Variants in A1CF observed in about 807,000 individuals in gnomAD.
A1CF encodes the protein APOBEC-1 stimulating protein.
A neutral mutation model predicts 68.9 loss-of-function variants in A1CF; 48 were observed. The observed-to-expected ratio is 0.70, with a 90% CI of 0.55 to 0.89. The LOEUF (loss-of-function observed/expected upper bound fraction) is 0.89, where lower values mean the gene tolerates loss of function less well. Among genes scored for constraint, A1CF ranks in the 40% least tolerant of loss-of-function variants. The probability of loss-of-function intolerance (pLI) is 0.00; values close to 1 mark genes in which losing one functional copy is unlikely to be tolerated. For synonymous variants in A1CF, 272 were observed against 260.4 expected, an observed-to-expected ratio of 1.04 and a Z score of -0.43; for missense variants, 653 against 718.9, an observed-to-expected ratio of 0.91 and a Z score of 1.05.
rs2132286078 is a variant in A1CF at position 50,802,657 on chromosome 10, T to G, written c.*4072A>C. 1 of 146,310 alleles carries G rather than the reference T, an allele frequency of 6.8e-6. No individual in the cohort carries two copies. The highest frequency in any genetic ancestry group is 2.0e-4 in the East Asian group (1 of 4,930). The allele number at this position is 146,310 out of a possible 1,614,324, so 9.1% of individuals were successfully genotyped here. A position where few individuals can be genotyped will look rare whatever the true frequency, so the allele number is the denominator to read the frequency against. ...ATTGAGCACATAGTTCATTTTTTGT[T>G]GTAAGTTACTTTTAGGAAATCTTAG... On this transcript the variant is annotated 3_prime_UTR_variant, in exon 13 of 13. Coordinates refer to ENST00000373997, the MANE Select transcript of A1CF (RefSeq NM_014576.4).
At chr10:50,847,132 A>G (rs949323421) in intron 3 of A1CF, among the ~76,000 whole-genome samples, 1 of 152,222 alleles carries the variant, frequency 6.6e-6, no homozygotes, top group African/African-American at 2.4e-5. Context: ...GTCTTCCTCA[A>G]GGGAAGCATT....
At chr10:50,861,752 CTAT>C (rs1840756929) in intron 2 of A1CF, among the ~76,000 whole-genome samples, 1 of 147,232 alleles carries the variant, frequency 6.8e-6, no homozygotes. Flanking sequence ...ACTATTACTA[CTAT>C]TATGATTATA....
In A1CF at chr10:50,876,405, C is replaced by G. The variant is rs374382520; in HGVS notation, c.-94+9176G>C. Reference sequence around the variant, plus strand: ...CAGGAATACTCATAAGTGCTCTGTCCTTGTCAACACTGAAGATTGAGAGAT... The same window carrying G: ...CAGGAATACTCATAAGTGCTCTGTCGTTGTCAACACTGAAGATTGAGAGAT... On this transcript the variant is annotated intron_variant, in intron 1 of 12. Transcript: ENST00000373997. Among the ~76,000 whole-genome samples, 57 of 152,294 alleles carry G rather than the reference C, an allele frequency of 3.7e-4. 3 individuals are homozygous for G. In the South Asian group the frequency reaches 0.011, roughly 29 times the overall value.
At position 50,836,203 on chromosome 10, in the gene A1CF, C is replaced by T. The variant is rs767553962; in HGVS notation, c.475G>A (p.Val159Ile). 1 of 1,614,000 alleles carries T rather than the reference C, an allele frequency of 6.2e-7. No individual in the cohort carries two copies. The highest frequency in any genetic ancestry group is 8.5e-7 in the Non-Finnish European group (1 of 1,179,902). ...REEILSEMKK[V>I]TEGVVDVIVY... ...ATGACATCGACAACACCTTCAGTAA[C>T]CTTTTTCATCTCCGATAAGATTTCT... Residue 159 changes from valine (V) to isoleucine (I), a missense_variant, in exon 6 of 13, where the codon GTT (valine) becomes ATT (isoleucine). Transcript: ENST00000373997.
At chr10:50,882,824 G>A (rs573983508) in intron 1 of A1CF, among the ~76,000 whole-genome samples, 1 of 152,258 alleles carries the variant, frequency 6.6e-6, no homozygotes, top group African/African-American at 2.4e-5. Context: ...AGTACCCACA[G>A]TACTACTCAG....
intron 8 of A1CF, among the ~76,000 whole-genome samples, chr10:50,818,055 C>T (rs4245009): frequency 0.42 from 63,227 of 151,956 alleles, 14,852 homozygotes; most frequent in Admixed American, 0.57. Context: ...TTCTTTTTCA[C>T]CCCATCTCCA....
At chr10:50,866,252 T>G (rs1418880992) in intron 1 of A1CF, among the ~76,000 whole-genome samples, 1 of 152,162 alleles carries the variant, frequency 6.6e-6, no homozygotes, top group Admixed American at 6.5e-5. Context: ...GAGTGCAGAG[T>G]GATTAAAATA....
chr10:50,883,841 C>T (rs181792999), intron 1 of A1CF, among the ~76,000 whole-genome samples: 1 of 152,282 alleles, frequency 6.6e-6, no homozygotes, highest in East Asian at 1.9e-4. Context: ...GACAAAGGAG[C>T]CTGGCTCTGC....
In A1CF at chr10:50,799,480, A is replaced by C. The variant is rs906871015; in HGVS notation, c.*7249T>G. On this transcript the variant is annotated 3_prime_UTR_variant, in exon 13 of 13. Transcript: ENST00000373997. ...AACAATTGCATCATCCAGGAATTAT[A>C]CAATATTGCATTGTCTCTCATTTCA... 2 of 152,170 alleles carry C rather than the reference A, an allele frequency of 1.3e-5. No individual in the cohort carries two copies. The highest frequency in any genetic ancestry group is 4.8e-5 in the African/African-American group (2 of 41,464). The allele number at this position is 152,170 out of a possible 1,614,324, so 9.4% of individuals were successfully genotyped here.
At chr10:50,866,635 T>C (rs1841004240) in intron 1 of A1CF, among the ~76,000 whole-genome samples, 1 of 152,218 alleles carries the variant, frequency 6.6e-6, no homozygotes, top group South Asian at 2.1e-4. Flanking sequence ...AGCTGGATAG[T>C]ATGTCCTGCT....
chr10:50,833,016 A>C, intron 6 of A1CF, among the ~76,000 whole-genome samples: 1 of 152,216 alleles, frequency 6.6e-6, no homozygotes, highest in Non-Finnish European at 1.5e-5. Flanking sequence ...ATTAGCTGAT[A>C]GATTTAGCTG....
At chr10:50,814,131 G>T in intron 9 of A1CF, 93 bp from the exon 10 acceptor site, 1 of 1,453,320 alleles carries the variant, frequency 6.9e-7, no homozygotes, top group South Asian at 1.2e-5. Context: ...TACTGTAATG[G>T]AAAAGTTAGC....
chr10:50,870,556 A>C (rs746589013), intron 1 of A1CF, among the ~76,000 whole-genome samples: 1 of 151,872 alleles, frequency 6.6e-6, no homozygotes, highest in Non-Finnish European at 1.5e-5. Flanking sequence ...AAACCTTAGA[A>C]AAGTGTGAAT....
intron 10 of A1CF, among the ~76,000 whole-genome samples, chr10:50,813,117 A>G (rs1838197895): frequency 6.6e-6 from 1 of 152,190 alleles, no homozygotes; most frequent in Admixed American, 6.5e-5. Flanking sequence ...TTCAGCCAAA[A>G]TGTATTTCAG....
At position 50,816,239 on chromosome 10, in the gene A1CF, G is replaced by A; in HGVS notation, c.908C>T (p.Pro303Leu). 1 of 1,613,426 alleles carries A rather than the reference G, an allele frequency of 6.2e-7. No individual in the cohort carries two copies. Among genetic ancestry groups the A allele is most frequent in the Non-Finnish European group, 8.5e-7 (1 of 1,179,680 alleles). ...GSPIEVTLAKPVDKDSYVRYT... is the reference protein window; with the variant it reads ...GSPIEVTLAKLVDKDSYVRYT... Reference sequence around the variant, plus strand: ...CCTAACATAACTGTCCTTGTCCACTGGTTTTGCTAGGGTGACTTCAATGGG... The same window carrying A: ...CCTAACATAACTGTCCTTGTCCACTAGTTTTGCTAGGGTGACTTCAATGGG... The change falls in exon 9 of 13, where the codon CCA becomes CTA. Residue 303 changes from proline to leucine, a missense_variant. Coordinates refer to ENST00000373997, the MANE Select transcript of A1CF (RefSeq NM_014576.4).
intron 12 of A1CF, among the ~76,000 whole-genome samples, chr10:50,809,603 T>C (rs1204132548): frequency 6.6e-6 from 1 of 152,158 alleles, no homozygotes; most frequent in Non-Finnish European, 1.5e-5. Context: ...CAAACTCTCG[T>C]ACTAAAAGTA....
intron 3 of A1CF, among the ~76,000 whole-genome samples, chr10:50,853,994 A>G (rs1196889367): frequency 6.6e-6 from 1 of 152,068 alleles, no homozygotes; most frequent in Admixed American, 6.6e-5. Flanking sequence ...TTTCATGTAT[A>G]TGTAGAATTA....
rs1838093690 is a variant in A1CF, at chr10:50,811,142, C to A, written c.1358G>T (p.Gly453Val). The A allele has an allele frequency of 1.2e-6, 2 of 1,612,660 alleles. No homozygotes were observed. The highest frequency in any genetic ancestry group is 1.7e-6 in the Non-Finnish European group (2 of 1,179,142). The change falls in exon 11 of 13, where the codon GGA becomes GTA. Residue 453 changes from glycine to valine, a missense_variant. Physicochemically the swap from Gly to Val is moderately radical, Grantham distance 109. Coordinates refer to ENST00000373997, the MANE Select transcript of A1CF (RefSeq NM_014576.4). ...AGAGTGCAGCTGGTACACTGGCTGT[C>A]CCCAGTTATTTTTCTGACAAATCTC... ...LEEICQKNNW[G>V]QPVYQLHSAI... is the part of the protein sequence containing the mutation.
Position 50,806,024 on chromosome 10 carries a change from T to C in A1CF, c.*705A>G, listed in dbSNP as rs1267279127. ...CTAGGGAAAAATAGGTGTGGACTAATGAGCTGAATAAACAATGGGGCCTGG... is the reference window on the plus strand; with the variant it reads ...CTAGGGAAAAATAGGTGTGGACTAACGAGCTGAATAAACAATGGGGCCTGG... On this transcript the variant is annotated 3_prime_UTR_variant, in exon 13 of 13. Coordinates refer to ENST00000373997, the MANE Select transcript of A1CF (RefSeq NM_014576.4). 1.3e-5 allele frequency: 2 copies of C among 152,212 alleles called. No individual in the cohort carries two copies. Among genetic ancestry groups the C allele is most frequent in the African/African-American group, 4.8e-5 (2 of 41,468 alleles). 9.4% of individuals were successfully genotyped at this position (152,212 alleles called of 1,614,324 possible).
Sources: allele counts gnomAD v4.1 joint callset (sites outside exome capture counted in the v4.1 genomes callset), GRCh38; gene constraint gnomAD v4.1.1; transcripts MANE v1.5; gene names NCBI Gene and HGNC (gene_info 2026-07-23, HGNC 2026-07-21).